The following HABP4 variants were observed in gnomAD, a reference collection of about 807,000 sequenced individuals.
HABP4 encodes hyaluronan binding protein 4, also known as intracellular hyaluronan-binding protein 4.
Under a neutral mutation model 44.1 loss-of-function variants are expected in HABP4, and 32 were observed. That is an observed-to-expected ratio of 0.73 (90% CI 0.55 to 0.97). The LOEUF (loss-of-function observed/expected upper bound fraction) is 0.97. Among genes scored for constraint, HABP4 ranks in the 50% least tolerant of loss-of-function variants. HABP4 has a pLI of 0.00. For synonymous variants in HABP4, 216 were observed against 218.0 expected (o/e 0.99, Z 0.08); for missense variants, 503 against 561.9 (o/e 0.90, Z 1.06).
chr9:96,457,176 G>T (rs1211239864), intron 1 of HABP4, among the ~76,000 whole-genome samples: 3 of 152,110 alleles, frequency 2.0e-5, no homozygotes, highest in Non-Finnish European at 4.4e-5. Flanking sequence ...AGACCAGCCT[G>T]ACCAGGTTAG....
intron 5 of HABP4, among the ~76,000 whole-genome samples, chr9:96,475,248 C>T (rs560175223): frequency 1.9e-4 from 29 of 152,134 alleles, no homozygotes; most frequent in Admixed American, 7.2e-4. Context: ...TGGTAGCGGG[C>T]ACCTGTAGTC....
chr9:96,471,228 C>T, intron 5 of HABP4, 134 bp downstream of exon 5: 1 of 617,438 alleles, frequency 1.6e-6, no homozygotes, highest in South Asian at 1.9e-5. Context: ...CTGCAACCTC[C>T]ACTTCCTGGG....
chr9:96,473,194 C>T (rs914004500), intron 5 of HABP4, among the ~76,000 whole-genome samples: 2 of 152,198 alleles, frequency 1.3e-5, no homozygotes, highest in Admixed American at 6.5e-5. Context: ...GGCTCCAGGC[C>T]TGTGGCTCCA....
chr9:96,478,016 C>T (rs542472372), intron 5 of HABP4, among the ~76,000 whole-genome samples: 6 of 152,354 alleles, frequency 3.9e-5, no homozygotes, highest in African/African-American at 1.2e-4. Context: ...TGATTTGTAT[C>T]TGTTCATTCC....
intron 5 of HABP4, among the ~76,000 whole-genome samples, chr9:96,480,703 ATT>A (rs925389330): frequency 3.4e-4 from 51 of 152,210 alleles, no homozygotes; most frequent in African/African-American, 1.2e-3. Context: ...TAGAATTAAT[ATT>A]TGTTTACAAT....
intron 2 of HABP4, among the ~76,000 whole-genome samples, chr9:96,462,904 AGAGT>A (rs1473269157): frequency 6.6e-6 from 1 of 152,148 alleles, no homozygotes; most frequent in African/African-American, 2.4e-5. Context: ...CTTGGGCAAC[AGAGT>A]GAGATACTGT....
At chr9:96,452,898 CCTATGGAAAAGGGTT>C (rs2131108439) in intron 1 of HABP4, among the ~76,000 whole-genome samples, 1 of 141,500 alleles carries the variant, frequency 7.1e-6, no homozygotes, top group African/African-American at 2.7e-5. Flanking sequence ...ACAAGCTTTT[CCTATGGAAAAGGGTT>C]TTTTTTTTTT....
Position 96,450,181 on chromosome 9 carries a change from G to A in HABP4, c.-99G>A. On this transcript the variant is annotated 5_prime_UTR_variant, in exon 1 of 8. Transcript: ENST00000375249. The surrounding 1 kb of genome is among the most constrained non-coding windows in gnomAD (Gnocchi z 4.8). Reference sequence around the variant, plus strand: ...GGCCGGACAGGGTAGGGCCCGGAGGGCGGTGGCGGCGGAGCGGGCGGCATG... The same window carrying A: ...GGCCGGACAGGGTAGGGCCCGGAGGACGGTGGCGGCGGAGCGGGCGGCATG... 1 of 1,170,718 alleles carries A rather than the reference G, an allele frequency of 8.5e-7. No homozygotes were observed. Among genetic ancestry groups the A allele is most frequent in the Non-Finnish European group, 1.1e-6 (1 of 939,912 alleles). 72.5% of individuals were successfully genotyped at this position (1,170,718 alleles called of 1,614,324 possible).
intron 2 of HABP4, among the ~76,000 whole-genome samples, chr9:96,462,464 A>C (rs10761022): frequency 5.8e-4 from 88 of 151,588 alleles, no homozygotes; most frequent in African/African-American, 2.1e-3. Flanking sequence ...AAAAAAAAAA[A>C]TTGCCAGGCG....
In HABP4 at chr9:96,465,486, G is replaced by C. The variant is rs1227727926; in HGVS notation, c.662G>C (p.Gly221Ala). The change falls in exon 3 of 8, where the codon GGG (glycine) becomes GCG (alanine). Residue 221 changes from glycine (G) to alanine (A), a missense_variant. Transcript: ENST00000375249. ...RGKREFERYGGNDKIAVRTED... is the reference protein window; with the variant it reads ...RGKREFERYGANDKIAVRTED... ...AAGCGAGAATTTGAAAGATATGGTG[G>C]GAATGACAAAATGTAAGTTTCTTTG... 2 of 1,609,140 alleles carry C rather than the reference G, an allele frequency of 1.2e-6. No individual in the cohort carries two copies. Among genetic ancestry groups the C allele is most frequent in the Non-Finnish European group, 1.7e-6 (2 of 1,175,596 alleles).
At chr9:96,478,446 A>G (rs1832820971) in intron 5 of HABP4, among the ~76,000 whole-genome samples, 1 of 152,060 alleles carries the variant, frequency 6.6e-6, no homozygotes, top group South Asian at 2.1e-4. Context: ...ATTTTAATAT[A>G]CAAGTGTTTA....
At chr9:96,457,898 A>T (rs552882514) in intron 1 of HABP4, among the ~76,000 whole-genome samples, 104 of 152,332 alleles carry the variant, frequency 6.8e-4, no homozygotes, top group African/African-American at 2.4e-3. Flanking sequence ...TAAATAAATT[A>T]AAAAAATACA....
chr9:96,465,547 G>A (rs2131131113), intron 3 of HABP4, 49 bp downstream of exon 3: 3 of 1,310,308 alleles, frequency 2.3e-6, no homozygotes, highest in South Asian at 1.2e-5. Flanking sequence ...GTGTCAGCAC[G>A]TGGTATGAAT....
chr9:96,465,881 T>A, intron 4 of HABP4, 103 bp downstream of exon 4: 1 of 694,378 alleles, frequency 1.4e-6, no homozygotes. Flanking sequence ...GCTTTATACT[T>A]GTGTGCCCCT....
At chr9:96,476,379 C>A (rs958636697) in intron 5 of HABP4, among the ~76,000 whole-genome samples, 11 of 152,168 alleles carry the variant, frequency 7.2e-5, no homozygotes, top group Admixed American at 7.2e-4. Flanking sequence ...GTGGTTAAAG[C>A]AGTATGATTT....
intron 6 of HABP4, among the ~76,000 whole-genome samples, chr9:96,487,725 A>T (rs1398238743): frequency 6.6e-6 from 1 of 152,258 alleles, no homozygotes; most frequent in Admixed American, 6.5e-5. Context: ...ACACTTAGAT[A>T]TAAAACATGT....
intron 5 of HABP4, among the ~76,000 whole-genome samples, chr9:96,474,733 G>T (rs1349144506): frequency 6.6e-6 from 1 of 152,064 alleles, no homozygotes; most frequent in East Asian, 1.9e-4. Context: ...GCTGGTATCC[G>T]AGAAATACAT....
intron 1 of HABP4, among the ~76,000 whole-genome samples, chr9:96,453,005 C>T (rs1438821756): frequency 7.5e-6 from 1 of 133,214 alleles, no homozygotes; most frequent in Non-Finnish European, 1.5e-5. Flanking sequence ...ACTGCAACCT[C>T]TACCTCCTGG....
intron 1 of HABP4, among the ~76,000 whole-genome samples, chr9:96,455,721 G>T (rs892302734): frequency 6.6e-6 from 1 of 150,990 alleles, no homozygotes; most frequent in Non-Finnish European, 1.5e-5. Flanking sequence ...AGCCGAGATG[G>T]TGCCATGGCA....
Sources: gnomAD v4.1 joint callset for allele counts (sites outside exome capture counted in the v4.1 genomes callset) on GRCh38, gnomAD v4.1.1 for gene constraint, Gnocchi (gnomAD v3.1) non-coding constraint, MANE v1.5 for transcripts, NCBI Gene and HGNC (gene_info 2026-07-23, HGNC 2026-07-21) for gene names.